Variants in CTNNA2 observed in about 807,000 individuals in gnomAD.
The protein encoded by CTNNA2 is catenin alpha 2, also known as catenin alpha-2.
A neutral mutation model predicts 101.0 loss-of-function variants in CTNNA2; 42 were observed. The ratio of observed to expected loss-of-function variants is 0.42; its 90% CI spans 0.32 to 0.54. The LOEUF (loss-of-function observed/expected upper bound fraction) is 0.54, where lower values mean the gene tolerates loss of function less well. Ranked by LOEUF, CTNNA2 falls within the 20% of genes least tolerant of loss-of-function variation. CTNNA2 has a pLI of 0.14. For missense variants in CTNNA2, 871 were observed against 1,223.1 expected, an observed-to-expected ratio of 0.71 and a Z score of 4.29; for synonymous variants, 450 against 456.4, an observed-to-expected ratio of 0.99 and a Z score of 0.18.
At chr2:79,979,799 C>G (rs1350433531) in intron 7 of CTNNA2, among the ~76,000 whole-genome samples, 1 of 152,070 alleles carries the variant, frequency 6.6e-6, no homozygotes, top group Admixed American at 6.6e-5. Flanking sequence ...TATCAGACCG[C>G]ATATTTAAAT....
intron 3 of CTNNA2, among the ~76,000 whole-genome samples, chr2:79,335,973 G>A (rs1033957737): frequency 6.6e-6 from 1 of 152,200 alleles, no homozygotes; most frequent in African/African-American, 2.4e-5. Flanking sequence ...GAGAAAGTCA[G>A]TCACGTTAGG....
At chr2:80,286,942 T>C (rs1291982579) in intron 7 of CTNNA2, among the ~76,000 whole-genome samples, 3 of 152,208 alleles carry the variant, frequency 2.0e-5, no homozygotes, top group African/African-American at 7.2e-5. Context: ...ATTGAACTGA[T>C]ACAAATTAGT....
chr2:80,143,872 A>T (rs1193267044), intron 7 of CTNNA2, among the ~76,000 whole-genome samples: 2 of 152,188 alleles, frequency 1.3e-5, no homozygotes, highest in African/African-American at 4.8e-5. Context: ...ACATTAATTC[A>T]CATTTTGCTT....
At chr2:79,540,935 T>A (rs1056024441) in intron 1 of CTNNA2, among the ~76,000 whole-genome samples, 1 of 152,190 alleles carries the variant, frequency 6.6e-6, no homozygotes, top group African/African-American at 2.4e-5. Context: ...GTAGCTTTTA[T>A]TTAATAGCTA....
chr2:80,304,332 A>C (rs1484079999), intron 7 of CTNNA2: 1 of 152,826 alleles, frequency 6.5e-6, no homozygotes, highest in African/African-American at 2.4e-5. Context: ...GGCGGCCGGC[A>C]AGGCGGGGAG....
intron 7 of CTNNA2, among the ~76,000 whole-genome samples, chr2:80,000,432 C>T (rs1692863669): frequency 6.6e-6 from 1 of 152,128 alleles, no homozygotes; most frequent in Admixed American, 6.5e-5. Flanking sequence ...ACAAACAAAA[C>T]AGCCATCACT....
At chr2:80,264,279 T>C (rs1228835682) in intron 7 of CTNNA2, among the ~76,000 whole-genome samples, 1 of 152,106 alleles carries the variant, frequency 6.6e-6, no homozygotes, top group Admixed American at 6.5e-5. Flanking sequence ...GAGAAGGTTA[T>C]AGCAAAATGA....
chr2:80,419,358 TA>T, intron 8 of CTNNA2, 90 bp from the exon 9 acceptor site: 1 of 974,870 alleles, frequency 1.0e-6, no homozygotes. Flanking sequence ...TCTCCATGGG[TA>T]ATGAGAGCTC....
chr2:80,577,397 A>C (rs1695147246), intron 13 of CTNNA2, among the ~76,000 whole-genome samples: 1 of 152,130 alleles, frequency 6.6e-6, no homozygotes, highest in Non-Finnish European at 1.5e-5. Flanking sequence ...AACGGTACTC[A>C]GGTGGAGCAT....
intron 7 of CTNNA2, among the ~76,000 whole-genome samples, chr2:80,132,447 A>G (rs1254901458): frequency 6.6e-6 from 1 of 152,214 alleles, no homozygotes; most frequent in Non-Finnish European, 1.5e-5. Context: ...ATTTCTCTCC[A>G]TAAAATCCGA....
intron 4 of CTNNA2, among the ~76,000 whole-genome samples, chr2:79,489,313 G>T (rs1223814051): frequency 6.6e-6 from 1 of 151,914 alleles, no homozygotes; most frequent in Non-Finnish European, 1.5e-5. Flanking sequence ...TAATCCCAAG[G>T]GTCCAGAACC....
intron 3 of CTNNA2, among the ~76,000 whole-genome samples, chr2:79,370,877 C>T (rs1489706870): frequency 2.0e-5 from 3 of 152,166 alleles, no homozygotes; most frequent in Non-Finnish European, 4.4e-5. Flanking sequence ...GGGAAGGCAG[C>T]AATCACAGCT....
intron 8 of CTNNA2, among the ~76,000 whole-genome samples, chr2:80,412,369 AT>A (rs1679660871): frequency 6.6e-6 from 1 of 152,214 alleles, no homozygotes; most frequent in African/African-American, 2.4e-5. Flanking sequence ...TAAGTAAAGC[AT>A]TTGTTTAATC....
intron 7 of CTNNA2, among the ~76,000 whole-genome samples, chr2:79,940,297 G>A (rs974612851): frequency 7.2e-5 from 11 of 152,098 alleles, no homozygotes; most frequent in African/African-American, 2.4e-4. Flanking sequence ...AGCTTTTAAA[G>A]AAATTTTCTA....
At chr2:79,472,610 T>G (rs75171271) in intron 4 of CTNNA2, among the ~76,000 whole-genome samples, 20 of 152,268 alleles carry the variant, frequency 1.3e-4, no homozygotes, top group African/African-American at 4.8e-4. Context: ...AAATTAGCAG[T>G]TTTTCTGCAG....
intron 7 of CTNNA2, among the ~76,000 whole-genome samples, chr2:80,177,850 A>C (rs1573310597): frequency 6.6e-6 from 1 of 152,194 alleles, no homozygotes; most frequent in African/African-American, 2.4e-5. Flanking sequence ...TAGCCCATGA[A>C]TGAGTATATA....
chr2:79,227,281 C>A (rs1349381591), intron 2 of CTNNA2, among the ~76,000 whole-genome samples: 1 of 151,924 alleles, frequency 6.6e-6, no homozygotes, highest in Non-Finnish European at 1.5e-5. Flanking sequence ...ATGCAATGAA[C>A]CCAGGGGTAG....
intron 7 of CTNNA2, among the ~76,000 whole-genome samples, chr2:80,286,638 C>T (rs1040530281): frequency 1.3e-5 from 2 of 152,208 alleles, no homozygotes; most frequent in Non-Finnish European, 2.9e-5. Flanking sequence ...AGACCCTTTT[C>T]TTCCATTCTG....
At chr2:80,187,834 G>A (rs1706230482) in intron 7 of CTNNA2, among the ~76,000 whole-genome samples, 2 of 151,274 alleles carry the variant, frequency 1.3e-5, no homozygotes, top group Non-Finnish European at 2.9e-5. Context: ...AAAAAAAAAT[G>A]CTTTTTTCTA....
Sources: gnomAD v4.1 joint callset for allele counts (sites outside exome capture counted in the v4.1 genomes callset) on GRCh38, gnomAD v4.1.1 for gene constraint, MANE v1.5 for transcripts, NCBI Gene and HGNC (gene_info 2026-07-23, HGNC 2026-07-21) for gene names.